The following PXDNL variants were observed in gnomAD, a reference collection of about 807,000 sequenced individuals.
The protein encoded by PXDNL is peroxidasin like.
Under a neutral mutation model 150.8 loss-of-function variants are expected in PXDNL, and 145 were observed. The ratio of observed to expected loss-of-function variants is 0.96; its 90% confidence interval spans 0.84 to 1.10. The LOEUF (loss-of-function observed/expected upper bound fraction) is 1.10. PXDNL is among the 50% of genes least tolerant of loss of function. The pLI, the probability that PXDNL is intolerant of heterozygous loss-of-function variation, is 0.00. For synonymous variants in PXDNL, 757 were observed against 725.7 expected (o/e 1.04, Z -0.69); for missense variants, 2,087 against 1,873.9 (o/e 1.11, Z -2.10).
At chr8:51,771,103 A>G (rs963543218) in intron 1 of PXDNL, among the ~76,000 whole-genome samples, 1 of 152,226 alleles carries the variant, frequency 6.6e-6, no homozygotes, top group African/African-American at 2.4e-5. Context: ...GAGTGTTTTA[A>G]AATCATGGAC....
intron 8 of PXDNL, among the ~76,000 whole-genome samples, chr8:51,462,174 G>C (rs1810098799): frequency 6.6e-6 from 1 of 152,068 alleles, no homozygotes; most frequent in Non-Finnish European, 1.5e-5. Flanking sequence ...CAACTTCAAA[G>C]AGATAAAGGA....
At chr8:51,642,942 A>G (rs1014840980) in intron 2 of PXDNL, among the ~76,000 whole-genome samples, 6 of 152,204 alleles carry the variant, frequency 3.9e-5, no homozygotes, top group African/African-American at 7.2e-5. Flanking sequence ...CCCATTCACA[A>G]TTGCTTCAAA....
At position 51,457,527 on chromosome 8, in the gene PXDNL, C is replaced by A. The variant is rs756739830; in HGVS notation, c.953G>T (p.Ser318Ile). 1.2e-6 allele frequency: 2 copies of A among 1,612,940 alleles called. No individual in the cohort carries two copies. ...RNSAGEAKTQSAMLRYSSLPA... is the reference protein window; with the variant it reads ...RNSAGEAKTQIAMLRYSSLPA... ...AAGACTGGAGTATCTGAGCATGGCACTCTGTGTCTTGGCTTCCCCAGCGGA... is the reference window on the plus strand; with the variant it reads ...AAGACTGGAGTATCTGAGCATGGCAATCTGTGTCTTGGCTTCCCCAGCGGA... The change falls in exon 9 of 23, where the codon AGT becomes ATT. Residue 318 changes from serine (S) to isoleucine (I), a missense_variant. Transcript: ENST00000356297.
chr8:51,404,258 T>C (rs1808369399), intron 17 of PXDNL, among the ~76,000 whole-genome samples: 1 of 152,250 alleles, frequency 6.6e-6, no homozygotes, highest in South Asian at 2.1e-4. Context: ...TTGCCACTGT[T>C]GGCTCAGGCA....
chr8:51,487,086 C>T (rs541981710), intron 5 of PXDNL, among the ~76,000 whole-genome samples: 8 of 151,930 alleles, frequency 5.3e-5, no homozygotes, highest in African/African-American at 1.7e-4. Context: ...AGCCACCGCA[C>T]CCGGCCGAAA....
At chr8:51,373,973 G>A (rs1456523915) in intron 18 of PXDNL, among the ~76,000 whole-genome samples, 1 of 152,162 alleles carries the variant, frequency 6.6e-6, no homozygotes, top group African/African-American at 2.4e-5. Flanking sequence ...ACATTCTCCA[G>A]CCTGCTGTTT....
intron 4 of PXDNL, among the ~76,000 whole-genome samples, chr8:51,544,779 T>C (rs912767956): frequency 7.2e-5 from 11 of 152,224 alleles, no homozygotes; most frequent in Non-Finnish European, 1.0e-4. Flanking sequence ...TGTAGCAGGA[T>C]TGGCATTTCT....
intron 12 of PXDNL, among the ~76,000 whole-genome samples, chr8:51,442,356 T>C (rs1268947026): frequency 6.6e-6 from 1 of 150,978 alleles, no homozygotes; most frequent in Admixed American, 6.6e-5. Flanking sequence ...TATTCTTTCT[T>C]GCATATCTTA....
chr8:51,517,388 C>A (rs1811564739), intron 4 of PXDNL, among the ~76,000 whole-genome samples: 1 of 151,818 alleles, frequency 6.6e-6, no homozygotes, highest in South Asian at 2.1e-4. Flanking sequence ...GTATACTGTG[C>A]AAAGTGCTTT....
At chr8:51,785,795 C>T (rs1172739287) in intron 1 of PXDNL, among the ~76,000 whole-genome samples, 3 of 152,198 alleles carry the variant, frequency 2.0e-5, no homozygotes, top group Non-Finnish European at 4.4e-5. Flanking sequence ...CAACTAATAA[C>T]CCTCCCACAG....
chr8:51,771,902 G>A (rs531166957), intron 1 of PXDNL, among the ~76,000 whole-genome samples: 1 of 152,152 alleles, frequency 6.6e-6, no homozygotes, highest in South Asian at 2.1e-4. Context: ...TCCTCCAGCT[G>A]TGGCACTGAT....
At chr8:51,776,792 G>C (rs1025157086) in intron 1 of PXDNL, among the ~76,000 whole-genome samples, 3 of 151,950 alleles carry the variant, frequency 2.0e-5, no homozygotes, top group Non-Finnish European at 4.4e-5. Context: ...ATTTAAAGTA[G>C]AGCCCCACCT....
intron 21 of PXDNL, among the ~76,000 whole-genome samples, chr8:51,336,430 A>C (rs1805831211): frequency 6.6e-6 from 1 of 152,220 alleles, no homozygotes; most frequent in Non-Finnish European, 1.5e-5. Context: ...TTCAATGTGG[A>C]CCATTAAAAT....
intron 17 of PXDNL, among the ~76,000 whole-genome samples, chr8:51,387,021 C>T (rs1166754853): frequency 6.6e-6 from 1 of 152,140 alleles, no homozygotes; most frequent in Non-Finnish European, 1.5e-5. Flanking sequence ...GAGAGCTTCT[C>T]CACTCAAATC....
At chr8:51,554,016 G>A (rs769786604) in intron 4 of PXDNL, among the ~76,000 whole-genome samples, 8 of 152,048 alleles carry the variant, frequency 5.3e-5, no homozygotes, top group Non-Finnish European at 1.0e-4. Context: ...TTATTACAGT[G>A]AATTGGACTA....
chr8:51,392,771 A>G (rs1306730281), intron 17 of PXDNL, among the ~76,000 whole-genome samples: 1 of 152,172 alleles, frequency 6.6e-6, no homozygotes, highest in East Asian at 1.9e-4. Flanking sequence ...AACTTCCAAC[A>G]CTATGTTGAA....
chr8:51,471,087 C>T (rs10105268), intron 8 of PXDNL, among the ~76,000 whole-genome samples: 5,939 of 146,608 alleles, frequency 0.041, 402 homozygotes, highest in African/African-American at 0.14. Flanking sequence ...GCAATCTATC[C>T]GTCTGACAAA....
At chr8:51,321,363 T>G (rs7818590) in intron 21 of PXDNL, among the ~76,000 whole-genome samples, 51,215 of 152,080 alleles carry the variant, frequency 0.34, 10,320 homozygotes, top group African/African-American at 0.56. Flanking sequence ...CAATTTGGTA[T>G]AAAGGCCAAT....
At chr8:51,563,409 TC>T (rs573584622) in intron 3 of PXDNL, among the ~76,000 whole-genome samples, 166 of 151,974 alleles carry the variant, frequency 1.1e-3, no homozygotes, top group African/African-American at 3.8e-3. Context: ...ATACAGGGGC[TC>T]CACACTCATG....
Sources: allele counts gnomAD v4.1 joint callset (sites outside exome capture counted in the v4.1 genomes callset), GRCh38; gene constraint gnomAD v4.1.1; transcripts MANE v1.5; gene names NCBI Gene and HGNC (gene_info 2026-07-23, HGNC 2026-07-21).